CMIP: variants seen among roughly 807,000 people sequenced by gnomAD.
The protein encoded by CMIP is c-Maf inducing protein, also known as C-Maf-inducing protein.
A neutral mutation model predicts 97.3 loss-of-function variants in CMIP; 13 were observed. The ratio of observed to expected loss-of-function variants is 0.13; its 90% CI spans 0.09 to 0.21. The LOEUF (loss-of-function observed/expected upper bound fraction) is 0.21, where lower values mean the gene tolerates loss of function less well. Ranked by LOEUF, CMIP falls within the 10% of genes least tolerant of loss-of-function variation. The pLI is 1.00. For synonymous variants in CMIP, 538 were observed against 436.3 expected (o/e 1.23, Z -2.91); for missense variants, 847 against 1,024.9 (o/e 0.83, Z 2.37).
chr16:81,545,324 G>C (rs974589028), intron 1 of CMIP, among the ~76,000 whole-genome samples: 1 of 152,198 alleles, frequency 6.6e-6, no homozygotes, highest in African/African-American at 2.4e-5. Context: ...TATCACCAGC[G>C]CCTAGCATGG....
chr16:81,645,383 T>C, intron 3 of CMIP: 1 of 1,459,462 alleles, frequency 6.9e-7, no homozygotes, highest in Non-Finnish European at 9.1e-7. Flanking sequence ...CCCCAGAGGC[T>C]GCGGCAGCAG....
chr16:81,697,976 G>A (rs957172522), intron 14 of CMIP: 1 of 151,286 alleles, frequency 6.6e-6, no homozygotes, highest in Non-Finnish European at 1.5e-5. Flanking sequence ...CTTCACCATA[G>A]CAACGCTCAG....
At chr16:81,580,030 A>G (rs751782035) in intron 1 of CMIP, among the ~76,000 whole-genome samples, 6 of 152,258 alleles carry the variant, frequency 3.9e-5, no homozygotes, top group Admixed American at 6.5e-5. Context: ...CTGTGGCTCA[A>G]CTTGTCTTTC....
intron 3 of CMIP, among the ~76,000 whole-genome samples, chr16:81,633,045 C>T (rs2092185969): frequency 6.6e-6 from 1 of 152,234 alleles, no homozygotes; most frequent in African/African-American, 2.4e-5. Context: ...TTTGATGAGG[C>T]TGATGAGTCA....
At chr16:81,599,379 C>T (rs960966068) in intron 1 of CMIP, among the ~76,000 whole-genome samples, 3 of 152,160 alleles carry the variant, frequency 2.0e-5, no homozygotes, top group African/African-American at 2.4e-5. Context: ...TATGACTTTC[C>T]GTTTGTGAGA....
At chr16:81,511,891 A>G (rs538742987) in intron 1 of CMIP, among the ~76,000 whole-genome samples, 5 of 152,290 alleles carry the variant, frequency 3.3e-5, no homozygotes, top group South Asian at 4.1e-4. Flanking sequence ...GTGCTGTCCA[A>G]TACCACGGCC....
At chr16:81,477,815 ATT>A (rs1908021125) in intron 1 of CMIP, among the ~76,000 whole-genome samples, 1 of 152,096 alleles carries the variant, frequency 6.6e-6, no homozygotes, top group Non-Finnish European at 1.5e-5. Context: ...AGTTCCTGCC[ATT>A]TTGCCTGCCT....
At chr16:81,696,521 T>C (rs1398008463) in intron 13 of CMIP, 39 bp from the exon 14 acceptor site, 1 of 1,580,536 alleles carries the variant, frequency 6.3e-7, no homozygotes. Context: ...TCACCGGGGC[T>C]GCATGCAGCT....
At chr16:81,537,713 A>G (rs1164303745) in intron 1 of CMIP, among the ~76,000 whole-genome samples, 2 of 140,578 alleles carry the variant, frequency 1.4e-5, no homozygotes, top group African/African-American at 5.2e-5. Flanking sequence ...TTGAAAGAAA[A>G]GAAAAGAAAA....
chr16:81,670,225 G>A lies in CMIP; in HGVS notation c.909G>A (p.Val303=). Residue 303 remains valine (V), a synonymous_variant, in exon 8 of 21, where the codon GTG becomes GTA. Transcript: ENST00000537098. ...ALNELNAGME[V]VKKFIQSMHG... is the part of the protein sequence containing the mutation. ...ACGAGCTCAACGCGGGGATGGAAGT[G>A]GTGAAGAAGTTCATTCAGAGGTGGG... 1.2e-6 allele frequency: 2 copies of A among 1,611,044 alleles called. No individual in the cohort carries two copies. The highest frequency in any genetic ancestry group is 1.7e-6 in the Non-Finnish European group (2 of 1,178,772).
Position 81,585,276 on chromosome 16 carries a change from G to C in CMIP, c.301-22291G>C, listed in dbSNP as rs536652556. ...AGAATTGTTTGAACTCAGGAGTTGAGGTTGCAGTGAGCCGAGATTGTGCCA... is the reference window on the plus strand; with the variant it reads ...AGAATTGTTTGAACTCAGGAGTTGACGTTGCAGTGAGCCGAGATTGTGCCA... On this transcript the variant is annotated intron_variant, in intron 1 of 20. Transcript: ENST00000537098. Among the ~76,000 whole-genome samples the C allele has an allele frequency of 2.6e-3, 392 of 152,338 alleles. 3 individuals carry two copies. The highest frequency in any genetic ancestry group is 8.5e-3 in the African/African-American group (355 of 41,572).
Position 81,652,605 on chromosome 16 carries a change from C to T in CMIP, c.639+241C>T, listed in dbSNP as rs1038788935. On this transcript the variant is annotated intron_variant, in intron 4 of 20. Coordinates refer to ENST00000537098, the MANE Select transcript of CMIP (RefSeq NM_198390.3). The surrounding 1 kb of genome is among the most constrained non-coding windows in gnomAD (Gnocchi z 5.2). ...AGGCACCGAAGAGGAGGTGTTGCCC[C>T]GTGCAGTGAGAGCCAGTAGTCCCAT... Among the ~76,000 whole-genome samples, 1 of 152,150 alleles carries T rather than the reference C, an allele frequency of 6.6e-6. No homozygotes were observed. The highest frequency in any genetic ancestry group is 2.4e-5 in the African/African-American group (1 of 41,432).
At chr16:81,625,361 G>A (rs541533464) in intron 3 of CMIP, among the ~76,000 whole-genome samples, 5 of 152,386 alleles carry the variant, frequency 3.3e-5, no homozygotes, top group African/African-American at 1.2e-4. Flanking sequence ...CAGGGGTGTG[G>A]AAGCATTAAA....
At chr16:81,460,451 A>G (rs1256494682) in intron 1 of CMIP, among the ~76,000 whole-genome samples, 2 of 152,116 alleles carry the variant, frequency 1.3e-5, no homozygotes, top group African/African-American at 2.4e-5. Flanking sequence ...TGGGGGAGAA[A>G]TGAAGTGACT....
intron 1 of CMIP, among the ~76,000 whole-genome samples, chr16:81,450,692 G>T (rs1355916673): frequency 6.6e-6 from 1 of 152,214 alleles, no homozygotes; most frequent in Non-Finnish European, 1.5e-5. Context: ...TCATAGGTAG[G>T]AAGGCAATGA....
At chr16:81,641,584 C>T (rs990447977) in intron 3 of CMIP, among the ~76,000 whole-genome samples, 9 of 152,278 alleles carry the variant, frequency 5.9e-5, no homozygotes, top group East Asian at 3.9e-4. Flanking sequence ...GGCAACCAGC[C>T]GATGCCGCAG....
intron 3 of CMIP, among the ~76,000 whole-genome samples, chr16:81,640,014 A>G (rs1006263919): frequency 6.6e-6 from 1 of 152,038 alleles, no homozygotes; most frequent in Non-Finnish European, 1.5e-5. Context: ...TGGGGCCGGA[A>G]TCCTCCCCCA....
At chr16:81,625,809 G>A (rs570564943) in intron 3 of CMIP, among the ~76,000 whole-genome samples, 4 of 152,194 alleles carry the variant, frequency 2.6e-5, no homozygotes, top group African/African-American at 7.2e-5. Flanking sequence ...CCACCTTCTC[G>A]CTTCCTGAGA....
chr16:81,505,147 GCTT>G (rs1397867431), intron 1 of CMIP, among the ~76,000 whole-genome samples: 2 of 152,246 alleles, frequency 1.3e-5, no homozygotes, highest in African/African-American at 4.8e-5. Flanking sequence ...CTCAACATGT[GCTT>G]CTGCTGTCCT....
Sources: allele counts gnomAD v4.1 joint callset (sites outside exome capture counted in the v4.1 genomes callset), GRCh38; gene constraint gnomAD v4.1.1; non-coding constraint Gnocchi (gnomAD v3.1); transcripts MANE v1.5; gene names NCBI Gene and HGNC (gene_info 2026-07-23, HGNC 2026-07-21).